The following BCAR3 variants were observed in gnomAD, a reference collection of about 807,000 sequenced individuals.
BCAR3 encodes BCAR3 adaptor protein, NSP family member, also known as breast cancer anti-estrogen resistance protein 3.
BCAR3 carries 37 observed loss-of-function variants against 80.1 expected under a neutral mutation model. The ratio of observed to expected loss-of-function variants is 0.46; its 90% CI spans 0.36 to 0.61. The LOEUF is 0.61. Ranked by LOEUF, BCAR3 falls within the 20% of genes least tolerant of loss-of-function variation. BCAR3 has a pLI of 0.00. For missense variants in BCAR3, 978 were observed against 1,068.2 expected (o/e 0.92, Z 1.18); for synonymous variants, 389 against 418.9 (o/e 0.93, Z 0.87).
intron 3 of BCAR3, among the ~76,000 whole-genome samples, chr1:93,596,169 C>T (rs902827373): frequency 3.9e-4 from 60 of 152,188 alleles, no homozygotes; most frequent in African/African-American, 1.4e-3. Flanking sequence ...CTTCCTTAGA[C>T]TACCTTTCTA....
At chr1:93,705,973 C>T (rs888409737) in intron 3 of BCAR3, 1 of 152,214 alleles carries the variant, frequency 6.6e-6, no homozygotes, top group Non-Finnish European at 1.5e-5. Context: ...TTCTCATACA[C>T]TCCAGGTACT....
chr1:93,764,735 A>T (rs532376164), intron 2 of BCAR3, among the ~76,000 whole-genome samples: 7 of 152,116 alleles, frequency 4.6e-5, no homozygotes, highest in African/African-American at 1.4e-4. Flanking sequence ...TTCCACACCT[A>T]CCTGGGTTCT....
intron 2 of BCAR3, among the ~76,000 whole-genome samples, chr1:93,650,822 C>T (rs1676298905): frequency 6.6e-6 from 1 of 151,946 alleles, no homozygotes; most frequent in South Asian, 2.1e-4. Flanking sequence ...TTAAAAATTC[C>T]ACTTGTGCAA....
chr1:93,587,818 C>T (rs1051900696), intron 5 of BCAR3, among the ~76,000 whole-genome samples: 3 of 152,086 alleles, frequency 2.0e-5, no homozygotes, highest in South Asian at 2.1e-4. Context: ...TCTATGTCCC[C>T]GATGCCTGCC....
chr1:93,612,589 T>G (rs1028765328), intron 3 of BCAR3, among the ~76,000 whole-genome samples: 8 of 152,048 alleles, frequency 5.3e-5, no homozygotes, highest in African/African-American at 1.9e-4. Context: ...TCTATTAGAG[T>G]GAAACCCACT....
At chr1:93,678,414 T>C (rs1306025615) in intron 1 of BCAR3, among the ~76,000 whole-genome samples, 1 of 152,180 alleles carries the variant, frequency 6.6e-6, no homozygotes, top group East Asian at 1.9e-4. Flanking sequence ...AAGACAGAAG[T>C]GGTCTGTCCT....
intron 2 of BCAR3, among the ~76,000 whole-genome samples, chr1:93,655,400 T>A (rs192241696): frequency 6.6e-6 from 1 of 152,178 alleles, no homozygotes; most frequent in African/African-American, 2.4e-5. Context: ...GGTGGGGGGA[T>A]GGTGTACAGA....
intron 2 of BCAR3, among the ~76,000 whole-genome samples, chr1:93,664,196 T>C (rs1477274825): frequency 6.6e-6 from 1 of 152,200 alleles, no homozygotes; most frequent in African/African-American, 2.4e-5. Flanking sequence ...CTCGGCTCAC[T>C]GCAACCTCTG....
chr1:93,626,386 CA>C (rs1265629007), intron 3 of BCAR3, among the ~76,000 whole-genome samples: 1 of 152,158 alleles, frequency 6.6e-6, no homozygotes, highest in Non-Finnish European at 1.5e-5. Flanking sequence ...AGTGTTTTTG[CA>C]GCTTTTAGTC....
In BCAR3 at chr1:93,693,136, C is replaced by G. The variant is rs529339273; in HGVS notation, c.-12+12956G>C. ...TCAGAACCCACATTTTAACAAGCCT[C>G]CCAGTGACCTGTGTGAGAGGCACTG... On this transcript the variant is annotated intron_variant, in intron 3 of 13. Coordinates refer to the BCAR3 transcript ENST00000370244. 4.6e-5 allele frequency among the ~76,000 whole-genome samples: 7 copies of G among 152,278 alleles called. No individual in the cohort carries two copies. In the South Asian group the frequency reaches 1.5e-3, roughly 32 times the overall value.
At chr1:93,673,712 G>C (rs1256798019) in intron 2 of BCAR3, among the ~76,000 whole-genome samples, 1 of 152,236 alleles carries the variant, frequency 6.6e-6, no homozygotes, top group Admixed American at 6.5e-5. Flanking sequence ...CATTTACCCA[G>C]ATCTCTGTCA....
intron 2 of BCAR3, among the ~76,000 whole-genome samples, chr1:93,741,845 A>C (rs752956364): frequency 3.3e-5 from 5 of 152,232 alleles, no homozygotes; most frequent in Non-Finnish European, 7.3e-5. Context: ...TGCTGGAATT[A>C]TAGGCATGAG....
upstream of BCAR3, chr1:93,847,944 C>G (rs888411440): frequency 4.2e-6 from 1 of 240,484 alleles, no homozygotes; most frequent in Non-Finnish European, 8.1e-6. Flanking sequence ...GACACTGAAG[C>G]GAAGGCTCGC....
intron 3 of BCAR3, chr1:93,599,762 C>T (rs1344098511): frequency 6.6e-6 from 1 of 152,160 alleles, no homozygotes; most frequent in Non-Finnish European, 1.5e-5. Context: ...TGAACTCATC[C>T]CCTCTGCAAA....
At chr1:93,622,549 T>C (rs1222844626) in intron 3 of BCAR3, among the ~76,000 whole-genome samples, 2 of 152,150 alleles carry the variant, frequency 1.3e-5, no homozygotes, top group African/African-American at 4.8e-5. Context: ...CTGGGAGAGA[T>C]GGATGCTGAC....
intron 2 of BCAR3, among the ~76,000 whole-genome samples, chr1:93,797,955 T>C (rs1653340075): frequency 6.6e-6 from 1 of 152,200 alleles, no homozygotes; most frequent in South Asian, 2.1e-4. Flanking sequence ...ATTTGTCAAA[T>C]ATTGAAAGGG....
Position 93,592,403 on chromosome 1 carries a change from A to G in BCAR3, c.358-10T>C, listed in dbSNP as rs1490917853. The G allele has an allele frequency of 6.3e-7, 1 of 1,587,748 alleles. No individual in the cohort carries two copies. The highest frequency in any genetic ancestry group is 1.7e-5 in the Admixed American group (1 of 57,676). ...GCCTCTCCTTGGAGAACTGCAACACAGAGTCAACCATGAGCTCACCCTGCC... is the reference window on the plus strand; with the variant it reads ...GCCTCTCCTTGGAGAACTGCAACACGGAGTCAACCATGAGCTCACCCTGCC... On this transcript the variant is annotated splice_polypyrimidine_tract_variant and intron_variant, in intron 3 of 11. Transcript: ENST00000260502. This position sits in a 1 kb window ranked among gnomAD's most constrained non-coding sequence, Gnocchi z 4.8.
chr1:93,765,821 C>A (rs915983818), intron 2 of BCAR3, among the ~76,000 whole-genome samples: 2 of 152,008 alleles, frequency 1.3e-5, no homozygotes, highest in Non-Finnish European at 2.9e-5. Flanking sequence ...CGCCCACCAC[C>A]ATGCCCGGCT....
At chr1:93,664,355 G>GTGAT (rs1647799811) in intron 2 of BCAR3, among the ~76,000 whole-genome samples, 5 of 152,174 alleles carry the variant, frequency 3.3e-5, no homozygotes, top group Admixed American at 3.3e-4. Context: ...CTGACCTCAG[G>GTGAT]TGATCCGCCC....
Sources: gnomAD v4.1 joint callset for allele counts (sites outside exome capture counted in the v4.1 genomes callset) on GRCh38, gnomAD v4.1.1 for gene constraint, Gnocchi (gnomAD v3.1) non-coding constraint, MANE v1.5 for transcripts, NCBI Gene and HGNC (gene_info 2026-07-23, HGNC 2026-07-21) for gene names.